CSNK1A1: variants seen among roughly 807,000 people sequenced by gnomAD.
The protein encoded by CSNK1A1 is casein kinase 1 alpha 1.
A neutral mutation model predicts 46.1 loss-of-function variants in CSNK1A1; 7 were observed. The observed-to-expected ratio is 0.15, with a 90% CI of 0.09 to 0.29. CSNK1A1 has a LOEUF of 0.29. Ranked by LOEUF, CSNK1A1 falls within the 10% of genes least tolerant of loss-of-function variation. CSNK1A1 has a pLI of 1.00. For synonymous variants in CSNK1A1, 137 were observed against 141.5 expected (o/e 0.97, Z 0.23); for missense variants, 96 against 417.1 (o/e 0.23, Z 6.71).
chr5:149,527,092 C>T (rs1027982332), intron 2 of CSNK1A1, among the ~76,000 whole-genome samples: 2 of 151,754 alleles, frequency 1.3e-5, no homozygotes, highest in African/African-American at 4.8e-5. Flanking sequence ...GCCCACTAGG[C>T]TAGGAAACAA....
At chr5:149,520,829 G>A (rs1761544730) in intron 3 of CSNK1A1, among the ~76,000 whole-genome samples, 1 of 152,292 alleles carries the variant, frequency 6.6e-6, no homozygotes, top group Middle Eastern at 3.4e-3. Context: ...CACACAAACA[G>A]ATACACATAT....
At chr5:149,522,224 C>T (rs1761593100) in intron 3 of CSNK1A1, among the ~76,000 whole-genome samples, 1 of 152,076 alleles carries the variant, frequency 6.6e-6, no homozygotes, top group Admixed American at 6.6e-5. Context: ...CCTCTCAGCT[C>T]AGCCCCCTGA....
chr5:149,501,148 T>C (rs1286970439), intron 9 of CSNK1A1: 2 of 985,314 alleles, frequency 2.0e-6, no homozygotes, highest in East Asian at 2.3e-4. Context: ...GTTGCAGAAT[T>C]TGAAGGTCCA....
chr5:149,550,220 A>G lies in CSNK1A1; in HGVS notation c.124-39T>C. 1 of 1,607,120 alleles carries G rather than the reference A, an allele frequency of 6.2e-7. No homozygotes were observed. Among genetic ancestry groups the G allele is most frequent in the Non-Finnish European group, 8.5e-7 (1 of 1,176,584 alleles). ...AGGGGATGATGGCATCAACATCCCT[A>G]CGGATTCAATGTCACTTAGGAAAGG... On this transcript the variant is annotated intron_variant, in intron 1 of 9. Coordinates refer to ENST00000377843, the MANE Select transcript of CSNK1A1 (RefSeq NM_001892.6). This position sits in a 1 kb window ranked among gnomAD's most constrained non-coding sequence, Gnocchi z 4.3.
chr5:149,519,765 A>T (rs561545403), intron 4 of CSNK1A1, among the ~76,000 whole-genome samples: 1 of 152,308 alleles, frequency 6.6e-6, no homozygotes, highest in East Asian at 1.9e-4. Flanking sequence ...AGCAGGCCCA[A>T]AAGTTACCCT....
chr5:149,541,902 TG>T (rs1272866361), intron 2 of CSNK1A1, among the ~76,000 whole-genome samples: 1 of 130,796 alleles, frequency 7.6e-6, no homozygotes, highest in East Asian at 2.3e-4. Flanking sequence ...ACCTGGGAAG[TG>T]GAGGTTGCAG....
intron 2 of CSNK1A1, among the ~76,000 whole-genome samples, chr5:149,538,750 C>T (rs1762140521): frequency 6.6e-6 from 1 of 151,994 alleles, no homozygotes; most frequent in African/African-American, 2.4e-5. Context: ...AGGAGAAACC[C>T]CGTCTCTACT....
rs546717362 is a variant in CSNK1A1 at position 149,544,902 on chromosome 5, G to A, written c.230+5173C>T. 4.6e-5 allele frequency among the ~76,000 whole-genome samples: 7 copies of A among 151,184 alleles called. No individual in the cohort carries two copies. The South Asian group carries it at 6.3e-4, about 14-fold the overall frequency. On this transcript the variant is annotated intron_variant, in intron 2 of 9. Transcript: ENST00000377843. ...TGTAATCCCAGCACTTTGGCGGGCC[G>A]AGGTGGGTGGATCATCTGAGGTCAG...
At chr5:149,502,518 TTTGG>T (rs1374583890) in intron 9 of CSNK1A1, 7 of 55,238 alleles carry the variant, frequency 1.3e-4, no homozygotes, top group South Asian at 1.2e-3. Flanking sequence ...GCTTTTTTTT[TTTGG>T]GGGGGGGGGG....
At chr5:149,503,893 T>C (rs1760949864) in intron 9 of CSNK1A1, 23 of 985,350 alleles carry the variant, frequency 2.3e-5, no homozygotes, top group Non-Finnish European at 2.7e-5. Context: ...GATGATCCTA[T>C]TATCCCAGCT....
At chr5:149,548,233 C>G (rs1350155475) in intron 2 of CSNK1A1, among the ~76,000 whole-genome samples, 1 of 152,114 alleles carries the variant, frequency 6.6e-6, no homozygotes, top group Non-Finnish European at 1.5e-5. Context: ...GCAACCCAGT[C>G]CTTAATTCAA....
chr5:149,521,589 G>A (rs1024009592), intron 3 of CSNK1A1, among the ~76,000 whole-genome samples: 2 of 151,062 alleles, frequency 1.3e-5, no homozygotes, highest in Non-Finnish European at 3.0e-5. Context: ...GCCCGGCCTC[G>A]ATTTAGAAGT....
In CSNK1A1 at chr5:149,517,964, A is replaced by G. The variant is rs1012322303; in HGVS notation, c.456+2326T>C. 2.5e-6 allele frequency: 2 copies of G among 811,060 alleles called. No homozygotes were observed. Among genetic ancestry groups the G allele is most frequent in the Non-Finnish European group, 4.2e-6 (2 of 479,922 alleles). 50.2% of individuals were successfully genotyped at this position (811,060 alleles called of 1,614,324 possible). A position where few individuals can be genotyped will look rare whatever the true frequency, so the allele number is the denominator to read the frequency against. ...CGGCGCAGACAGGCAACACCGAGGC[A>G]TTAGAGAAAGAACAGGGTAGCCAAA... On this transcript the variant is annotated intron_variant, in intron 4 of 9. Coordinates refer to ENST00000377843, the MANE Select transcript of CSNK1A1 (RefSeq NM_001892.6). This position sits in a 1 kb window ranked among gnomAD's most constrained non-coding sequence, Gnocchi z 4.4.
In CSNK1A1 at chr5:149,507,104, T is replaced by G. The variant is rs1456912704; in HGVS notation, c.780A>C (p.Leu260Phe). 1 of 1,613,710 alleles carries G rather than the reference T, an allele frequency of 6.2e-7. No homozygotes were observed. Among genetic ancestry groups the G allele is most frequent in the Non-Finnish European group, 8.5e-7 (1 of 1,179,760 alleles). Residue 260 changes from leucine to phenylalanine, a missense_variant, in exon 8 of 10, where the codon TTA becomes TTC. Physicochemically the swap from Leu to Phe is conservative, Grantham distance 22. Coordinates refer to ENST00000377843, the MANE Select transcript of CSNK1A1 (RefSeq NM_001892.6). ...CAAAGCGTAGCCCACGACAATAGTT[T>G]AAGTACATCGCAAATTCTGCAGGAA... Reference protein sequence around the residue: ...KGFPAEFAMYLNYCRGLRFEE... With the variant: ...KGFPAEFAMYFNYCRGLRFEE...
chr5:149,498,417 T>C, intron 9 of CSNK1A1: 1 of 985,414 alleles, frequency 1.0e-6, no homozygotes, highest in Non-Finnish European at 1.2e-6. Context: ...GGTAAACCTT[T>C]CTTTTAAAGG....
intron 6 of CSNK1A1, among the ~76,000 whole-genome samples, chr5:149,510,887 T>A (rs1300986124): frequency 6.6e-6 from 1 of 152,210 alleles, no homozygotes; most frequent in Non-Finnish European, 1.5e-5. Flanking sequence ...GTTAACTGTA[T>A]AAGTCACAAT....
At chr5:149,519,651 T>TG (rs1761507937) in intron 4 of CSNK1A1, among the ~76,000 whole-genome samples, 1 of 152,206 alleles carries the variant, frequency 6.6e-6, no homozygotes, top group Non-Finnish European at 1.5e-5. Context: ...TTTTGTTGTA[T>TG]GAATGTTCAT....
chr5:149,536,700 G>C (rs1225071416), intron 2 of CSNK1A1, among the ~76,000 whole-genome samples: 1 of 152,196 alleles, frequency 6.6e-6, no homozygotes, highest in Non-Finnish European at 1.5e-5. Context: ...TACATGAATA[G>C]CTATCAAGTC....
intron 4 of CSNK1A1, among the ~76,000 whole-genome samples, chr5:149,514,911 C>G (rs1437757249): frequency 6.6e-6 from 1 of 152,128 alleles, no homozygotes; most frequent in Non-Finnish European, 1.5e-5. Flanking sequence ...AGATTAAACT[C>G]CCTTCCTAAG....
Sources: allele counts gnomAD v4.1 joint callset (sites outside exome capture counted in the v4.1 genomes callset), GRCh38; gene constraint gnomAD v4.1.1; non-coding constraint Gnocchi (gnomAD v3.1); transcripts MANE v1.5; gene names NCBI Gene and HGNC (gene_info 2026-07-23, HGNC 2026-07-21).